Variants in MRAP observed in about 807,000 individuals in gnomAD.
The protein encoded by MRAP is melanocortin-2 receptor accessory protein.
MRAP carries 8 observed loss-of-function variants against 8.7 expected under a neutral mutation model. The observed-to-expected ratio is 0.92, with a 90% CI of 0.54 to 1.66. The LOEUF (loss-of-function observed/expected upper bound fraction) is 1.66, where lower values mean the gene tolerates loss of function less well. Ranked by LOEUF, MRAP falls within the 40% of genes most tolerant of loss-of-function variation. The probability of loss-of-function intolerance (pLI) is 0.00; values close to 1 mark genes in which losing one functional copy is unlikely to be tolerated. For missense variants in MRAP, 237 were observed against 217.1 expected, an observed-to-expected ratio of 1.09 and a Z score of -0.58; for synonymous variants, 95 against 95.5, an observed-to-expected ratio of 1.00 and a Z score of 0.03.
chr21:32,297,673 C>G (rs2032164492), upstream of MRAP, among the ~76,000 whole-genome samples: 1 of 152,180 alleles, frequency 6.6e-6, no homozygotes, highest in Non-Finnish European at 1.5e-5. Context: ...TTGTAGGACA[C>G]CCAGCGAGTG....
intron 1 of MRAP, among the ~76,000 whole-genome samples, chr21:32,292,450 A>T (rs1428805509): frequency 1.3e-5 from 2 of 152,154 alleles, no homozygotes; most frequent in African/African-American, 2.4e-5. Flanking sequence ...TTGTTTCAGT[A>T]TTAAAATGTA....
At chr21:32,306,329 C>T in intron 1 of MRAP, 3 of 398,320 alleles carry the variant, frequency 7.5e-6, no homozygotes, top group South Asian at 6.2e-5. Context: ...CCTCTGAGCA[C>T]CACTAGGAGC....
chr21:32,306,364 G>A (rs954334348), intron 1 of MRAP: 2 of 454,080 alleles, frequency 4.4e-6, no homozygotes, highest in Non-Finnish European at 8.2e-6. Context: ...CATGGGGTGG[G>A]GGGGCACACA....
At chr21:32,300,425 C>T (rs113004074) in intron 1 of MRAP, among the ~76,000 whole-genome samples, 3,002 of 150,724 alleles carry the variant, frequency 0.02, 65 homozygotes, top group African/African-American at 0.061. Context: ...CGTCCTGCGT[C>T]GGATGCGTCA....
At chr21:32,305,344 GCTAT>G (rs2032389214) in intron 1 of MRAP, among the ~76,000 whole-genome samples, 1 of 151,890 alleles carries the variant, frequency 6.6e-6, no homozygotes, top group East Asian at 2.0e-4. Context: ...AGTTTTTCCT[GCTAT>G]CTCTCAGGGG....
chr21:32,304,226 G>A (rs564931307), intron 1 of MRAP, among the ~76,000 whole-genome samples: 11 of 152,328 alleles, frequency 7.2e-5, no homozygotes, highest in African/African-American at 1.7e-4. Context: ...CTCTTTTACT[G>A]TAAGGGTTGT....
chr21:32,298,897 T>G lies in MRAP; in HGVS notation c.-75T>G. On this transcript the variant is annotated 5_prime_UTR_variant, in exon 1 of 3. Coordinates refer to ENST00000303645, the MANE Select transcript of MRAP (RefSeq NM_001379228.1). ...ATTCCTGCAGAAATCAGTGAGGCAG[T>G]CTCCTCCCAGGGGCTTGGCGCCTGG... The G allele has an allele frequency of 9.9e-7, 1 of 1,014,530 alleles. No individual in the cohort carries two copies. The highest frequency in any genetic ancestry group is 1.8e-5 in the Admixed American group (1 of 54,848). 62.8% of individuals were successfully genotyped at this position (1,014,530 alleles called of 1,614,324 possible). A position where few individuals can be genotyped will look rare whatever the true frequency, so the allele number is the denominator to read the frequency against.
intron 1 of MRAP, among the ~76,000 whole-genome samples, chr21:32,300,809 A>AG (rs778798705): frequency 3.6e-5 from 5 of 137,384 alleles, no homozygotes; most frequent in African/African-American, 8.3e-5. Flanking sequence ...ATCCTATGTC[A>AG]GGGGCGTCAT....
chr21:32,302,334 A>C (rs1478874017), intron 1 of MRAP, among the ~76,000 whole-genome samples: 2 of 152,208 alleles, frequency 1.3e-5, no homozygotes. Flanking sequence ...GAGTCCTTGA[A>C]GGTAATTCCA....
chr21:32,309,869 G>C (rs1008985175), intron 2 of MRAP, among the ~76,000 whole-genome samples: 8 of 151,864 alleles, frequency 5.3e-5, no homozygotes, highest in African/African-American at 1.9e-4. Flanking sequence ...CTTGAACCTG[G>C]GAGGCAGAGG....
At chr21:32,300,837 T>C (rs1040996411) in intron 1 of MRAP, among the ~76,000 whole-genome samples, 1 of 150,668 alleles carries the variant, frequency 6.6e-6, no homozygotes, top group Non-Finnish European at 1.5e-5. Context: ...ATGTCGGATA[T>C]GTCATGCGCC....
At chr21:32,293,638 TTCTC>T (rs2032090501) in intron 2 of MRAP, among the ~76,000 whole-genome samples, 4 of 152,180 alleles carry the variant, frequency 2.6e-5, no homozygotes, top group Admixed American at 1.3e-4. Context: ...CCTTCTACCT[TTCTC>T]TCCACACTCA....
chr21:32,308,218 T>C (rs2032465015), intron 2 of MRAP, among the ~76,000 whole-genome samples: 1 of 151,724 alleles, frequency 6.6e-6, no homozygotes, highest in Non-Finnish European at 1.5e-5. Context: ...ACTGAAAATA[T>C]TTTTAAAAAA....
chr21:32,293,900 G>A (rs2098002255), upstream of MRAP, among the ~76,000 whole-genome samples: 1 of 151,524 alleles, frequency 6.6e-6, no homozygotes, highest in Non-Finnish European at 1.5e-5. Context: ...GACTTGCATG[G>A]ATCTTTTTTT....
At chr21:32,294,387 T>C (rs1036113878), upstream of MRAP, among the ~76,000 whole-genome samples, 6 of 152,202 alleles carry the variant, frequency 3.9e-5, no homozygotes, top group African/African-American at 1.4e-4. Context: ...AGTGCTGGGA[T>C]TACAGGCATG....
intron 1 of MRAP, among the ~76,000 whole-genome samples, chr21:32,304,969 T>G (rs2032377355): frequency 8.5e-5 from 5 of 58,708 alleles, no homozygotes; most frequent in African/African-American, 8.4e-5. Flanking sequence ...TTTGTTGTTT[T>G]TTTTTTTTTT....
intron 1 of MRAP, 85 bp downstream of exon 1, chr21:32,299,162 C>T (rs1387185908): frequency 3.1e-6 from 3 of 964,380 alleles, no homozygotes; most frequent in Admixed American, 2.0e-5. Context: ...TCTCTGCATT[C>T]ACTTATTAAC....
At position 32,298,881 on chromosome 21, in the gene MRAP, G is replaced by A. The variant is rs1324285533; in HGVS notation, c.-91G>A. ...CAGACACACTTGGACGATTCCTGCA[G>A]AAATCAGTGAGGCAGTCTCCTCCCA... is the stretch of plus-strand genomic sequence containing the variant. On this transcript the variant is annotated 5_prime_UTR_variant, in exon 1 of 3. Coordinates refer to ENST00000303645, the MANE Select transcript of MRAP (RefSeq NM_001379228.1). 2 of 874,896 alleles carry A rather than the reference G, an allele frequency of 2.3e-6. No individual in the cohort carries two copies. The highest frequency in any genetic ancestry group is 3.8e-6 in the Non-Finnish European group (2 of 522,364). The allele number at this position is 874,896 out of a possible 1,614,324, so 54.2% of individuals were successfully genotyped here.
upstream of MRAP, among the ~76,000 whole-genome samples, chr21:32,295,309 C>A (rs934687185): frequency 1.3e-5 from 2 of 152,156 alleles, no homozygotes; most frequent in Non-Finnish European, 2.9e-5. Context: ...TGTCTTTGGG[C>A]TTTATATGTG....
Sources: allele counts gnomAD v4.1 joint callset (sites outside exome capture counted in the v4.1 genomes callset), GRCh38; gene constraint gnomAD v4.1.1; transcripts MANE v1.5; gene names NCBI Gene and HGNC (gene_info 2026-07-23, HGNC 2026-07-21).